Variants in SEMA3E observed in about 807,000 individuals in gnomAD.
SEMA3E encodes semaphorin-3E.
SEMA3E carries 49 observed loss-of-function variants against 93.6 expected under a neutral mutation model. That is an observed-to-expected ratio of 0.52 (90% confidence interval 0.42 to 0.66). The LOEUF (loss-of-function observed/expected upper bound fraction) is 0.66, where lower values mean the gene tolerates loss of function less well. Among genes scored for constraint, SEMA3E ranks in the 30% least tolerant of loss-of-function variants. The pLI is 0.00. For missense variants in SEMA3E, 906 were observed against 964.8 expected, an observed-to-expected ratio of 0.94 and a Z score of 0.81; for synonymous variants, 363 against 330.7, an observed-to-expected ratio of 1.10 and a Z score of -1.06.
rs1178434111 is a variant in SEMA3E at position 83,364,741 on chromosome 7, G to A, written c.*2845C>T. ...ATAGAAGAGGTCTAAAGAAGCAGGA[G>A]ACCGGCCCTCGATGGAGGTGCCTCT... On this transcript the variant is annotated 3_prime_UTR_variant, in exon 17 of 17. Coordinates refer to ENST00000643230, the MANE Select transcript of SEMA3E (RefSeq NM_012431.3). 1.3e-5 allele frequency: 2 copies of A among 152,218 alleles called. No homozygotes were observed. The highest frequency in any genetic ancestry group is 4.8e-5 in the African/African-American group (2 of 41,448). The allele number at this position is 152,218 out of a possible 1,614,324, so 9.4% of individuals were successfully genotyped here.
At chr7:83,636,993 A>G (rs1350954561) in intron 1 of SEMA3E, among the ~76,000 whole-genome samples, 1 of 151,636 alleles carries the variant, frequency 6.6e-6, no homozygotes, top group Non-Finnish European at 1.5e-5. Flanking sequence ...GCTTCTTGAG[A>G]ACTGGGTTTG....
intron 1 of SEMA3E, among the ~76,000 whole-genome samples, chr7:83,569,990 A>G (rs1041647571): frequency 9.2e-5 from 14 of 152,208 alleles, no homozygotes; most frequent in Non-Finnish European, 1.5e-4. Context: ...AAGTCTTAAT[A>G]AAATCAAAAA....
chr7:83,385,726 G>A (rs1439815983), intron 15 of SEMA3E, among the ~76,000 whole-genome samples: 1 of 152,092 alleles, frequency 6.6e-6, no homozygotes, highest in Non-Finnish European at 1.5e-5. Flanking sequence ...CTCATGGAAA[G>A]TCTATTGCAA....
intron 2 of SEMA3E, among the ~76,000 whole-genome samples, chr7:83,488,063 A>C (rs897422145): frequency 1.3e-5 from 2 of 151,932 alleles, no homozygotes; most frequent in African/African-American, 4.8e-5. Context: ...ATGCAAGCTG[A>C]TTCATAAAAA....
intron 1 of SEMA3E, among the ~76,000 whole-genome samples, chr7:83,622,172 G>T (rs1305641874): frequency 6.6e-6 from 1 of 151,752 alleles, no homozygotes; most frequent in Non-Finnish European, 1.5e-5. Context: ...AGTGGGCAAA[G>T]GACATGAATA....
At chr7:83,412,028 C>T (rs2709963) in intron 5 of SEMA3E, among the ~76,000 whole-genome samples, 133,650 of 152,148 alleles carry the variant, frequency 0.88, 61,308 homozygotes, top group East Asian at 1. Context: ...CCACAAACTG[C>T]TCAAAATCTC....
At chr7:83,544,159 A>G (rs1791596066) in intron 1 of SEMA3E, among the ~76,000 whole-genome samples, 1 of 152,076 alleles carries the variant, frequency 6.6e-6, no homozygotes, top group Admixed American at 6.6e-5. Flanking sequence ...ATAACTAACT[A>G]TTTGTGGGTT....
At chr7:83,480,102 C>T (rs761429740) in intron 2 of SEMA3E, among the ~76,000 whole-genome samples, 5 of 152,098 alleles carry the variant, frequency 3.3e-5, no homozygotes, top group Non-Finnish European at 5.9e-5. Flanking sequence ...TTGGTTAATA[C>T]TAATTTTAGC....
intron 1 of SEMA3E, among the ~76,000 whole-genome samples, chr7:83,611,301 A>G (rs1341106980): frequency 1.4e-5 from 2 of 143,220 alleles, no homozygotes; most frequent in African/African-American, 5.1e-5. Flanking sequence ...TTTATATATT[A>G]TATATATAAA....
intron 7 of SEMA3E, among the ~76,000 whole-genome samples, chr7:83,406,442 C>T (rs1032035801): frequency 6.6e-6 from 1 of 151,582 alleles, no homozygotes; most frequent in Non-Finnish European, 1.5e-5. Context: ...CTTCCTTTAA[C>T]AAAGGAAGAA....
At chr7:83,555,316 C>T (rs1306630396) in intron 1 of SEMA3E, among the ~76,000 whole-genome samples, 5 of 152,158 alleles carry the variant, frequency 3.3e-5, no homozygotes, top group East Asian at 3.9e-4. Context: ...GCACTTGTGC[C>T]GCTAAATCTA....
At chr7:83,563,361 C>T (rs1190985572) in intron 1 of SEMA3E, among the ~76,000 whole-genome samples, 1 of 152,134 alleles carries the variant, frequency 6.6e-6, no homozygotes, top group Admixed American at 6.5e-5. Context: ...ATTGCTTTAC[C>T]TCTGCCACTA....
rs144422199 is a variant in SEMA3E, at chr7:83,614,266, CCAGA to C, written c.115+34158_115+34161del. On this transcript the variant is annotated intron_variant, in intron 1 of 16. Coordinates refer to ENST00000643230, the MANE Select transcript of SEMA3E (RefSeq NM_012431.3). ...GTGCCAAAATTCAGGACGTAAACAG[CCAGA>C]CAGATTTTATTCCCCGTTCAGCACT... is the stretch of plus-strand genomic sequence containing the variant. 7.6e-3 allele frequency among the ~76,000 whole-genome samples: 1,162 copies of C among 152,122 alleles called. 22 individuals carry two copies. Among genetic ancestry groups the C allele is most frequent in the African/African-American group, 0.026 (1,096 of 41,516 alleles).
At position 83,532,135 on chromosome 7, in the gene SEMA3E, T is replaced by C. The variant is rs1305867216; in HGVS notation, c.116-41861A>G. ...GACAACATTAAAAAAATTAGGAATC[T>C]TTTTAGATTTTAAGGTTTCTTCATT... On this transcript the variant is annotated intron_variant, in intron 1 of 16. Transcript: ENST00000643230. Among the ~76,000 whole-genome samples, 5 of 152,190 alleles carry C rather than the reference T, an allele frequency of 3.3e-5. No homozygotes were observed. The East Asian group carries it at 9.6e-4, about 29-fold the overall frequency.
chr7:83,384,341 T>C (rs905951349), intron 16 of SEMA3E, among the ~76,000 whole-genome samples: 5 of 152,112 alleles, frequency 3.3e-5, no homozygotes, highest in Non-Finnish European at 7.4e-5. Context: ...ATTCACTCTC[T>C]ATCCAAAATG....
At chr7:83,421,103 TAACTC>T (rs1233253373) in intron 4 of SEMA3E, among the ~76,000 whole-genome samples, 1 of 142,458 alleles carries the variant, frequency 7.0e-6, no homozygotes, top group Non-Finnish European at 1.6e-5. Flanking sequence ...ATAAGGAACT[TAACTC>T]AAAAAGTATT....
intron 1 of SEMA3E, among the ~76,000 whole-genome samples, chr7:83,539,504 T>A (rs1481623124): frequency 6.6e-6 from 1 of 152,158 alleles, no homozygotes; most frequent in Non-Finnish European, 1.5e-5. Context: ...CCTAAACTTT[T>A]GTGGTGTTCC....
rs1458916810 is a variant in SEMA3E at position 83,418,496 on chromosome 7, C to T, written c.457-13G>A. 6.4e-7 allele frequency: 1 copy of T among 1,574,592 alleles called. No homozygotes were observed. Among genetic ancestry groups the T allele is most frequent in the Non-Finnish European group, 8.7e-7 (1 of 1,147,440 alleles). On this transcript the variant is annotated splice_polypyrimidine_tract_variant and intron_variant, in intron 4 of 16. Coordinates refer to ENST00000643230, the MANE Select transcript of SEMA3E (RefSeq NM_012431.3). ...GAAACAGAGGATCCTTGAAAGAAAA[C>T]CAGAAAAATCATTATGAATATGCCT...
At chr7:83,383,507 G>A (rs1045035787) in intron 16 of SEMA3E, among the ~76,000 whole-genome samples, 16 of 151,902 alleles carry the variant, frequency 1.1e-4, no homozygotes, top group South Asian at 8.3e-4. Context: ...AAATCAATCC[G>A]TATATAGCTA....
Sources: allele counts gnomAD v4.1 joint callset (sites outside exome capture counted in the v4.1 genomes callset), GRCh38; gene constraint gnomAD v4.1.1; transcripts MANE v1.5; gene names NCBI Gene and HGNC (gene_info 2026-07-23, HGNC 2026-07-21).